The following ATP9A variants were observed in gnomAD, a reference collection of about 807,000 sequenced individuals.
The protein encoded by ATP9A is probable phospholipid-transporting ATPase IIA.
Under a neutral mutation model 144.1 loss-of-function variants are expected in ATP9A, and 52 were observed. The observed-to-expected ratio is 0.36, with a 90% CI of 0.29 to 0.45. The LOEUF (loss-of-function observed/expected upper bound fraction) is 0.45, where lower values mean the gene tolerates loss of function less well. Among genes scored for constraint, ATP9A ranks in the 20% least tolerant of loss-of-function variants. ATP9A has a pLI of 1.00. For missense variants in ATP9A, 947 were observed against 1,392.7 expected (o/e 0.68, Z 5.09); for synonymous variants, 582 against 557.4 (o/e 1.04, Z -0.62).
chr20:51,638,087 A>ATC (rs2077301773), intron 15 of ATP9A, among the ~76,000 whole-genome samples: 1 of 35,590 alleles, frequency 2.8e-5, no homozygotes, highest in Non-Finnish European at 5.6e-5. Flanking sequence ...ATATATATAT[A>ATC]TATATATATA....
intron 1 of ATP9A, among the ~76,000 whole-genome samples, chr20:51,743,360 G>C (rs2077792913): frequency 6.7e-6 from 1 of 149,798 alleles, no homozygotes; most frequent in Admixed American, 6.7e-5. Flanking sequence ...CCACATTCCA[G>C]ACAGGCTGGG....
chr20:51,705,282 A>G (rs951677259), intron 4 of ATP9A, among the ~76,000 whole-genome samples: 1 of 152,228 alleles, frequency 6.6e-6, no homozygotes, highest in Non-Finnish European at 1.5e-5. Flanking sequence ...AATCCTAGAT[A>G]ATGGTACAAC....
At chr20:51,604,778 G>T in intron 27 of ATP9A, 39 bp downstream of exon 27, 1 of 1,435,436 alleles carries the variant, frequency 7.0e-7, no homozygotes, top group South Asian at 1.6e-5. Context: ...CAGATTCACT[G>T]GGGGTGACGG....
At chr20:51,629,191 C>A in intron 15 of ATP9A, 119 bp from the exon 16 acceptor site, 1 of 699,194 alleles carries the variant, frequency 1.4e-6, no homozygotes, top group Non-Finnish European at 2.3e-6. Context: ...AATGTTTTTT[C>A]AGTTGGCTGA....
At chr20:51,753,496 G>T in intron 1 of ATP9A, among the ~76,000 whole-genome samples, 1 of 148,840 alleles carries the variant, frequency 6.7e-6, no homozygotes, top group South Asian at 2.1e-4. Flanking sequence ...ACAAACCCAC[G>T]TTCTACATGG....
chr20:51,712,301 C>G (rs1432961363), intron 4 of ATP9A, among the ~76,000 whole-genome samples: 1 of 152,078 alleles, frequency 6.6e-6, no homozygotes, highest in Admixed American at 6.6e-5. Context: ...GTCTCGATCT[C>G]CGGACCTTGT....
At chr20:51,605,687 C>T (rs959224717) in intron 26 of ATP9A, among the ~76,000 whole-genome samples, 1 of 151,112 alleles carries the variant, frequency 6.6e-6, no homozygotes, top group South Asian at 2.1e-4. Flanking sequence ...CTGAGGCGGG[C>T]GGATCACTGG....
chr20:51,762,566 T>C (rs1375957298), intron 1 of ATP9A, among the ~76,000 whole-genome samples: 1 of 150,728 alleles, frequency 6.6e-6, no homozygotes, highest in African/African-American at 2.4e-5. Flanking sequence ...GGCCGATGCA[T>C]GAGAATCGCT....
chr20:51,696,415 A>G (rs2077570987), intron 5 of ATP9A, among the ~76,000 whole-genome samples: 1 of 152,222 alleles, frequency 6.6e-6, no homozygotes, highest in African/African-American at 2.4e-5. Flanking sequence ...TTTCTGGCAC[A>G]TTCAACCATT....
chr20:51,666,678 T>TCAAA (rs1568811077), intron 13 of ATP9A, among the ~76,000 whole-genome samples: 1 of 84,610 alleles, frequency 1.2e-5, no homozygotes. Flanking sequence ...AGACTGTGTC[T>TCAAA]TAAAAAAAAA....
chr20:51,731,955 C>G (rs938113690), intron 1 of ATP9A, among the ~76,000 whole-genome samples: 1 of 152,048 alleles, frequency 6.6e-6, no homozygotes, highest in African/African-American at 2.4e-5. Context: ...ATTAGAGGAG[C>G]AAGCCACAAA....
At position 51,721,810 on chromosome 20, in the gene ATP9A, AAAAAAG is replaced by A. The variant is rs1350150684; in HGVS notation, c.327+4003_327+4008del. Among the ~76,000 whole-genome samples the A allele has an allele frequency of 2.0e-5, 3 of 150,648 alleles. No homozygotes were observed. The South Asian group carries it at 6.3e-4, about 31-fold the overall frequency. ...AGCAAGACTCCATCTCAAAAAAAAA[AAAAAAG>A]AAAAAGAAAAAAGAAAAAACAATTC... On this transcript the variant is annotated intron_variant, in intron 3 of 27. Coordinates refer to ENST00000338821, the MANE Select transcript of ATP9A (RefSeq NM_006045.3).
At chr20:51,626,507 AAG>A (rs1008737243) in intron 17 of ATP9A, among the ~76,000 whole-genome samples, 4 of 151,422 alleles carry the variant, frequency 2.6e-5, no homozygotes, top group African/African-American at 9.7e-5. Context: ...AAAAAAAAAA[AAG>A]AAAAGAAATT....
chr20:51,641,703 C>T (rs539754137), intron 14 of ATP9A, among the ~76,000 whole-genome samples: 171 of 151,424 alleles, frequency 1.1e-3, no homozygotes, highest in African/African-American at 4.0e-3. Context: ...TGGTGGCAGG[C>T]GCCTGTAATC....
chr20:51,699,333 C>CAAAAAAAAAAAAAA (rs74175569), intron 4 of ATP9A, among the ~76,000 whole-genome samples: 1 of 70,452 alleles, frequency 1.4e-5, no homozygotes, highest in Non-Finnish European at 2.7e-5. Context: ...AACTCAATCT[C>CAAAAAAAAAAAAAA]AAAAAAAAAA....
chr20:51,615,504 T>C (rs2077199782), intron 22 of ATP9A, among the ~76,000 whole-genome samples: 1 of 152,142 alleles, frequency 6.6e-6, no homozygotes, highest in South Asian at 2.1e-4. Context: ...TGTAAGATAT[T>C]TGTATAGATA....
At chr20:51,688,693 C>A (rs919049217) in intron 9 of ATP9A, among the ~76,000 whole-genome samples, 2 of 152,186 alleles carry the variant, frequency 1.3e-5, no homozygotes, top group African/African-American at 2.4e-5. Context: ...CAAGCCCATG[C>A]CCTTTCCTAG....
At chr20:51,688,668 ACAGAAGCTC>A (rs1411723336) in intron 9 of ATP9A, among the ~76,000 whole-genome samples, 7 of 152,136 alleles carry the variant, frequency 4.6e-5, no homozygotes, top group Non-Finnish European at 7.4e-5. Context: ...GTGTTTAAAC[ACAGAAGCTC>A]CAGCTCAAGC....
chr20:51,709,111 G>A (rs6067906), intron 4 of ATP9A, among the ~76,000 whole-genome samples: 2 of 152,166 alleles, frequency 1.3e-5, no homozygotes, highest in African/African-American at 2.4e-5. Flanking sequence ...CGTCCTTCAA[G>A]GAATTAAGCA....
Sources: allele counts gnomAD v4.1 joint callset (sites outside exome capture counted in the v4.1 genomes callset), GRCh38; gene constraint gnomAD v4.1.1; transcripts MANE v1.5; gene names NCBI Gene and HGNC (gene_info 2026-07-23, HGNC 2026-07-21).